CC2D2A: variants seen among roughly 807,000 people sequenced by gnomAD.
The protein encoded by CC2D2A is coiled-coil and C2 domain-containing protein 2A.
Under a neutral mutation model 212.9 loss-of-function variants are expected in CC2D2A, and 155 were observed. That is an observed-to-expected ratio of 0.73 (90% CI 0.64 to 0.83). The LOEUF is 0.83. CC2D2A is among the 40% of genes least tolerant of loss of function. The probability of loss-of-function intolerance (pLI) is 0.00; values close to 1 mark genes in which losing one functional copy is unlikely to be tolerated. For missense variants in CC2D2A, 1,856 were observed against 1,956.2 expected (o/e 0.95, Z 0.97); for synonymous variants, 667 against 686.5 (o/e 0.97, Z 0.44).
chr4:15,556,195 A>G (rs1367529896), intron 20 of CC2D2A, among the ~76,000 whole-genome samples: 1 of 152,252 alleles, frequency 6.6e-6, no homozygotes, highest in Non-Finnish European at 1.5e-5. Context: ...ACACAAAGCC[A>G]TAATAAACAA....
chr4:15,599,789 A>T (rs1305645947), intron 36 of CC2D2A, 83 bp downstream of exon 36: 4 of 1,117,260 alleles, frequency 3.6e-6, no homozygotes, highest in Non-Finnish European at 3.7e-6. Flanking sequence ...TTCTGGAATC[A>T]AAAGACCCAC....
chr4:15,530,553 C>T (rs1717795869), intron 13 of CC2D2A, among the ~76,000 whole-genome samples: 1 of 152,020 alleles, frequency 6.6e-6, no homozygotes, highest in South Asian at 2.1e-4. Context: ...ATTTGAAAAA[C>T]ATCAGAAATA....
intron 29 of CC2D2A, among the ~76,000 whole-genome samples, chr4:15,575,321 T>C (rs921211274): frequency 1.3e-5 from 2 of 152,210 alleles, no homozygotes; most frequent in Non-Finnish European, 2.9e-5. Flanking sequence ...CAGGGTGACA[T>C]AGGCAGAGGT....
intron 4 of CC2D2A, 115 bp downstream of exon 4, chr4:15,480,942 T>G (rs983289437): frequency 7.8e-7 from 1 of 1,288,724 alleles, no homozygotes; most frequent in Non-Finnish European, 1.1e-6. Flanking sequence ...CCACTGCTGC[T>G]CCACCCACTT....
intron 4 of CC2D2A, chr4:15,482,304 T>C: frequency 1.3e-5 from 13 of 982,416 alleles, no homozygotes; most frequent in Non-Finnish European, 1.6e-5. Flanking sequence ...TCAAAATTAT[T>C]TATTACTACC....
chr4:15,533,271 G>C lies in CC2D2A; in HGVS notation c.1545G>C (p.Glu515Asp). 1 of 1,601,446 alleles carries C rather than the reference G, an allele frequency of 6.2e-7. No homozygotes were observed. The highest frequency in any genetic ancestry group is 8.5e-7 in the Non-Finnish European group (1 of 1,175,356). The change falls in exon 14 of 37, where the codon GAG becomes GAC. Residue 515 changes from glutamate to aspartate, a missense_variant. Physicochemically the swap from Glu to Asp is conservative, Grantham distance 45. Transcript: ENST00000424120. ...LLKTIIKVWK[E>D]MKSLREFQRF... ...AGACTATCATAAAAGTTTGGAAAGA[G>C]ATGAAATCCCTTCGAGAGTTCCAGA...
intron 4 of CC2D2A, among the ~76,000 whole-genome samples, chr4:15,500,703 G>A (rs556766953): frequency 6.6e-6 from 1 of 152,284 alleles, no homozygotes; most frequent in Non-Finnish European, 1.5e-5. Context: ...GGTGACTGTT[G>A]TCTTTGCTTG....
chr4:15,600,022 GTTTT>G (rs1032247701), intron 36 of CC2D2A, among the ~76,000 whole-genome samples: 15 of 152,282 alleles, frequency 9.9e-5, no homozygotes, highest in Admixed American at 5.9e-4. Flanking sequence ...CTCTAGAGCA[GTTTT>G]TTTAAGGATA....
intron 1 of CC2D2A, among the ~76,000 whole-genome samples, chr4:15,470,685 CTCTCTATATA>C (rs1179800511): frequency 3.9e-4 from 16 of 40,540 alleles, no homozygotes; most frequent in South Asian, 1.0e-3. Context: ...CTCTCTCTCT[CTCTCTATATA>C]TATATATATA....
At chr4:15,486,541 GTCTTC>G (rs1560145415) in intron 4 of CC2D2A, among the ~76,000 whole-genome samples, 1 of 151,746 alleles carries the variant, frequency 6.6e-6, no homozygotes, top group African/African-American at 2.4e-5. Flanking sequence ...ATTTCTGTGG[GTCTTC>G]TCTTTTTCTT....
Position 15,538,025 on chromosome 4 carries a change from G to A in CC2D2A, c.1891G>A (p.Glu631Lys). ...PPEPTDRAVIEQEVRERAAQS... is the reference protein window; with the variant it reads ...PPEPTDRAVIKQEVRERAAQS... ...AGAGCCCACTGATCGGGCAGTGATA[G>A]AGCAGGAGGTGAGGGAGAGAGCAGC... The change falls in exon 16 of 37, where the codon GAG (glutamate) becomes AAG (lysine). Residue 631 changes from glutamate to lysine, a missense_variant. Transcript: ENST00000424120. 1 of 1,608,738 alleles carries A rather than the reference G, an allele frequency of 6.2e-7. No individual in the cohort carries two copies. Among genetic ancestry groups the A allele is most frequent in the Non-Finnish European group, 8.5e-7 (1 of 1,177,750 alleles).
In CC2D2A at chr4:15,511,318, A is replaced by G. The variant is rs1716557778; in HGVS notation, c.612A>G (p.Glu204=). 1 of 1,601,654 alleles carries G rather than the reference A, an allele frequency of 6.2e-7. No individual in the cohort carries two copies. Among genetic ancestry groups the G allele is most frequent in the Non-Finnish European group, 8.5e-7 (1 of 1,175,478 alleles). Residue 204 remains glutamate, a synonymous_variant, in exon 8 of 37, where the codon GAA becomes GAG. Coordinates refer to ENST00000424120, the MANE Select transcript of CC2D2A (RefSeq NM_001378615.1). ...CTTTCAACTTTGATCCCGAACCAGA[A>G]GGATCAGAGGAAAAACCAAAAGCAA... The part of the protein sequence containing the change: ...FFTFNFDPEP[E]GSEEKPKARH...
chr4:15,477,528 C>T (rs1214589557), intron 2 of CC2D2A, among the ~76,000 whole-genome samples: 2 of 152,100 alleles, frequency 1.3e-5, no homozygotes, highest in African/African-American at 4.8e-5. Flanking sequence ...CAAAACATTA[C>T]GTAGGTTTCT....
intron 16 of CC2D2A, among the ~76,000 whole-genome samples, chr4:15,539,458 C>A (rs555506674): frequency 6.6e-6 from 1 of 152,248 alleles, no homozygotes; most frequent in East Asian, 1.9e-4. Context: ...AGTCAGCCTC[C>A]GAGTTCATTA....
intron 11 of CC2D2A, among the ~76,000 whole-genome samples, chr4:15,525,216 C>A (rs567323673): frequency 6.6e-6 from 1 of 152,148 alleles, no homozygotes; most frequent in Non-Finnish European, 1.5e-5. Flanking sequence ...ACTCTACCCA[C>A]GTTATTTACT....
intron 4 of CC2D2A, among the ~76,000 whole-genome samples, chr4:15,489,861 G>T (rs1715202393): frequency 6.6e-6 from 1 of 152,156 alleles, no homozygotes; most frequent in Admixed American, 6.5e-5. Context: ...CCACTTGCCT[G>T]GTTTTCCTTC....
chr4:15,487,776 G>C (rs928948191), intron 4 of CC2D2A, among the ~76,000 whole-genome samples: 1 of 127,352 alleles, frequency 7.9e-6, no homozygotes, highest in African/African-American at 2.9e-5. Flanking sequence ...ATTTTCTCCA[G>C]TAGTATGTTA....
chr4:15,594,280 C>T (rs1208580295), intron 33 of CC2D2A, among the ~76,000 whole-genome samples: 2 of 152,084 alleles, frequency 1.3e-5, no homozygotes, highest in East Asian at 1.9e-4. Context: ...CCTTAAAATG[C>T]TCCATTTTTG....
chr4:15,550,961 C>T lies in CC2D2A; in HGVS notation c.2319C>T (p.Asp773=), dbSNP rs1379770755. 8 of 1,597,222 alleles carry T rather than the reference C, an allele frequency of 5.0e-6. No homozygotes were observed. In the African/African-American group the frequency reaches 1.1e-4, roughly 21 times the overall value. Residue 773 remains aspartate, a synonymous_variant, in exon 18 of 37, where the codon GAC becomes GAT. Coordinates refer to ENST00000424120, the MANE Select transcript of CC2D2A (RefSeq NM_001378615.1). Reference sequence around the variant, plus strand: ...GCAGTAATCAGCATGTGACACTGGACCACGAGGGAGTTGGAAGTGGTATGG... The same window carrying T: ...GCAGTAATCAGCATGTGACACTGGATCACGAGGGAGTTGGAAGTGGTATGG... ...EFSSNQHVTL[D]HEGVGSGVPF...
Sources: allele counts gnomAD v4.1 joint callset (sites outside exome capture counted in the v4.1 genomes callset), GRCh38; gene constraint gnomAD v4.1.1; transcripts MANE v1.5; gene names NCBI Gene and HGNC (gene_info 2026-07-23, HGNC 2026-07-21).